Variants in ACTR3C observed in about 807,000 individuals in gnomAD.
ACTR3C encodes the protein actin related protein 3C, also known as actin-related protein 3C.
Under a neutral mutation model 26.3 loss-of-function variants are expected in ACTR3C, and 18 were observed. The ratio of observed to expected loss-of-function variants is 0.68; its 90% confidence interval spans 0.47 to 1.01. The LOEUF (loss-of-function observed/expected upper bound fraction) is 1.01. Among genes scored for constraint, ACTR3C ranks in the 50% least tolerant of loss-of-function variants. ACTR3C has a pLI of 0.00. For synonymous variants in ACTR3C, 55 were observed against 94.5 expected (o/e 0.58, Z 2.42); for missense variants, 184 against 250.7 (o/e 0.73, Z 1.80).
the ACTR3C span, among the ~76,000 whole-genome samples, chr7:150,048,664 G>A: frequency 2.0e-5 from 3 of 150,442 alleles, no homozygotes; most frequent in South Asian, 6.4e-4. Context: ...CGCACGCGCT[G>A]CGGCGCCGGG....
At chr7:150,042,905 G>T in the ACTR3C span, among the ~76,000 whole-genome samples, 16 of 150,680 alleles carry the variant, frequency 1.1e-4, no homozygotes, top group Admixed American at 9.9e-4. Context: ...CCAGGGCTGG[G>T]GCTGCCAGAA....
At chr7:150,041,647 T>G in the ACTR3C span, among the ~76,000 whole-genome samples, 4 of 44,498 alleles carry the variant, frequency 9.0e-5, no homozygotes, top group East Asian at 2.9e-3. Flanking sequence ...TCCCCCCCCC[T>G]GCGATGAGGG....
chr7:149,964,331 A>G, the ACTR3C span, among the ~76,000 whole-genome samples: 1 of 152,250 alleles, frequency 6.6e-6, no homozygotes, highest in African/African-American at 2.4e-5. Context: ...GAGGAGGACA[A>G]GATGCATTTG....
the ACTR3C span, among the ~76,000 whole-genome samples, chr7:150,228,963 A>G: frequency 1.3e-5 from 2 of 151,658 alleles, no homozygotes; most frequent in Non-Finnish European, 2.9e-5. Context: ...CAAATTATAC[A>G]TATAGTAACA....
the ACTR3C span, among the ~76,000 whole-genome samples, chr7:149,902,082 T>A: frequency 6.6e-6 from 1 of 152,094 alleles, no homozygotes; most frequent in Non-Finnish European, 1.5e-5. Flanking sequence ...TAAGGAAGGT[T>A]ATCAAGAAGA....
At chr7:150,117,095 G>A in the ACTR3C span, among the ~76,000 whole-genome samples, 2 of 152,210 alleles carry the variant, frequency 1.3e-5, no homozygotes, top group Non-Finnish European at 2.9e-5. Flanking sequence ...CACAGACCAG[G>A]AGATTCCCTT....
the ACTR3C span, among the ~76,000 whole-genome samples, chr7:150,095,898 C>T: frequency 6.7e-6 from 1 of 149,356 alleles, no homozygotes; most frequent in African/African-American, 2.5e-5. Flanking sequence ...ATATAAACTA[C>T]AGTCACTGAC....
the ACTR3C span, among the ~76,000 whole-genome samples, chr7:150,029,568 A>T: frequency 6.6e-6 from 1 of 152,052 alleles, no homozygotes; most frequent in East Asian, 1.9e-4. Context: ...CCTCACTGCA[A>T]CCAATAAAAC....
intron 6 of ACTR3C, among the ~76,000 whole-genome samples, chr7:150,277,703 A>G (rs1186601337): frequency 6.6e-6 from 1 of 150,596 alleles, no homozygotes; most frequent in Non-Finnish European, 1.5e-5. Context: ...TTTTCCTCCC[A>G]CTTGTCAAGC....
chr7:150,255,147 C>T (rs56827767), intron 6 of ACTR3C, among the ~76,000 whole-genome samples: 6,751 of 150,758 alleles, frequency 0.045, 515 homozygotes, highest in African/African-American at 0.16. Context: ...GTCCTAATTC[C>T]CTGTAGATTG....
At chr7:150,180,196 T>C in the ACTR3C span, among the ~76,000 whole-genome samples, 3 of 149,896 alleles carry the variant, frequency 2.0e-5, no homozygotes, top group South Asian at 6.2e-4. Flanking sequence ...TCCCAGCTAC[T>C]CGGGAGGCTG....
chr7:149,932,607 C>T, the ACTR3C span, among the ~76,000 whole-genome samples: 1 of 151,256 alleles, frequency 6.6e-6, no homozygotes, highest in Non-Finnish European at 1.5e-5. Context: ...TTTGCTGGCT[C>T]TTTTGGCACT....
the ACTR3C span, among the ~76,000 whole-genome samples, chr7:149,888,158 G>A: frequency 4.6e-5 from 7 of 152,308 alleles, no homozygotes; most frequent in Non-Finnish European, 7.4e-5. Context: ...ACACCTGACT[G>A]ATACAATACT....
the ACTR3C span, chr7:150,002,357 C>T: frequency 0.14 from 21,056 of 152,254 alleles, 1,722 homozygotes; most frequent in South Asian, 0.2. Flanking sequence ...ACATGCAGCT[C>T]TCTCTGCGCC....
At chr7:150,153,492 T>C in the ACTR3C span, among the ~76,000 whole-genome samples, 1 of 140,322 alleles carries the variant, frequency 7.1e-6, no homozygotes, top group Non-Finnish European at 1.5e-5. Context: ...TCACTGGCCA[T>C]CAGAGAAATG....
chr7:150,293,958 G>GA (rs1157767257), intron 2 of ACTR3C, among the ~76,000 whole-genome samples: 11 of 151,708 alleles, frequency 7.3e-5, no homozygotes, highest in African/African-American at 9.7e-5. Context: ...AAGAAAGAAA[G>GA]AAAAAAAACT....
At chr7:150,239,540 C>CTCTATATATA (rs1317088405), downstream of ACTR3C, among the ~76,000 whole-genome samples, 4 of 90,200 alleles carry the variant, frequency 4.4e-5, no homozygotes, top group Admixed American at 2.4e-4. Context: ...CTCTCTCTCT[C>CTCTATATATA]TATATATATA....
chr7:150,019,333 C>A, the ACTR3C span, among the ~76,000 whole-genome samples: 1 of 149,980 alleles, frequency 6.7e-6, no homozygotes, highest in South Asian at 2.1e-4. Flanking sequence ...GTAGCTCATG[C>A]CTGTAATCCC....
chr7:150,287,195 C>G (rs1218653363), intron 4 of ACTR3C, among the ~76,000 whole-genome samples: 2 of 151,676 alleles, frequency 1.3e-5, no homozygotes, highest in African/African-American at 4.9e-5. Flanking sequence ...ACTTGGGATA[C>G]ACAAGGTAGC....
Sources: allele counts gnomAD v4.1 joint callset (sites outside exome capture counted in the v4.1 genomes callset), GRCh38; gene constraint gnomAD v4.1.1; transcripts MANE v1.5; gene names NCBI Gene and HGNC (gene_info 2026-07-23, HGNC 2026-07-21).